The following MEGF11 variants were observed in gnomAD, a reference collection of about 807,000 sequenced individuals.
MEGF11 encodes the protein multiple epidermal growth factor-like domains protein 11.
In MEGF11, 126 loss-of-function variants were observed where a neutral mutation model predicts 146.6. The observed-to-expected ratio is 0.86, with a 90% confidence interval of 0.74 to 1.00. The LOEUF is 1.00. Among genes scored for constraint, MEGF11 ranks in the 50% least tolerant of loss-of-function variants. MEGF11 has a pLI of 0.00. For missense variants in MEGF11, 1,509 were observed against 1,521.2 expected (o/e 0.99, Z 0.13); for synonymous variants, 532 against 583.4 (o/e 0.91, Z 1.27).
intron 15 of MEGF11, 156 bp downstream of exon 15, chr15:65,922,182 T>C (rs535127898): frequency 1.3e-6 from 1 of 796,910 alleles, no homozygotes; most frequent in East Asian, 2.8e-5. Flanking sequence ...TCATGCCATG[T>C]GGGGCTCAAT....
intron 1 of MEGF11, among the ~76,000 whole-genome samples, chr15:66,242,450 A>G (rs1162655741): frequency 7.2e-6 from 1 of 138,622 alleles, no homozygotes; most frequent in African/African-American, 2.6e-5. Context: ...AGAAGAAGAA[A>G]GAAGGACAGA....
At chr15:66,007,774 G>T (rs564529286) in intron 5 of MEGF11, among the ~76,000 whole-genome samples, 1 of 151,696 alleles carries the variant, frequency 6.6e-6, no homozygotes, top group Admixed American at 6.6e-5. Flanking sequence ...GAAAAGAAAA[G>T]AAGGCACAGA....
intron 1 of MEGF11, among the ~76,000 whole-genome samples, chr15:66,169,073 G>A (rs557227681): frequency 9.9e-5 from 15 of 152,168 alleles, no homozygotes; most frequent in South Asian, 4.1e-4. Flanking sequence ...ACATGTGCTC[G>A]CATGTGGGGC....
In MEGF11 at chr15:66,116,065, C is replaced by G. The variant is rs1387630624; in HGVS notation, c.301+3021G>C. On this transcript the variant is annotated intron_variant, in intron 4 of 25. Coordinates refer to ENST00000395614, the MANE Select transcript of MEGF11 (RefSeq NM_001385028.1). ...TCCCGCTGCAGCCCAGGTCTGCCCT[C>G]TGGGGTCTGGCCAGCCTCCTCACCG... Among the ~76,000 whole-genome samples, 3 of 152,220 alleles carry G rather than the reference C, an allele frequency of 2.0e-5. No homozygotes were observed. In the East Asian group the frequency reaches 5.8e-4, roughly 29 times the overall value.
At position 66,123,971 on chromosome 15, in the gene MEGF11, G is replaced by T. The variant is rs766497251; in HGVS notation, c.128C>A (p.Ala43Glu). 3.1e-6 allele frequency: 5 copies of T among 1,613,818 alleles called. No homozygotes were observed. The highest frequency in any genetic ancestry group is 4.2e-6 in the Non-Finnish European group (5 of 1,179,830). ...GTAATAGATCTGATCGAAGGGGTGT[G>T]CATACGATTCCTGGACAGTCACAGC... ...SYAVTVQESY[A>E]HPFDQIYYTR... The change falls in exon 3 of 26, where the codon GCA becomes GAA. Residue 43 changes from alanine to glutamate, a missense_variant. Physicochemically the swap from Ala to Glu is moderately radical, Grantham distance 107. Coordinates refer to ENST00000395614, the MANE Select transcript of MEGF11 (RefSeq NM_001385028.1).
At chr15:66,014,018 G>C (rs2082797172) in intron 5 of MEGF11, among the ~76,000 whole-genome samples, 1 of 152,176 alleles carries the variant, frequency 6.6e-6, no homozygotes, top group Non-Finnish European at 1.5e-5. Context: ...TGGTGGTTCT[G>C]GGACTGTGAT....
intron 1 of MEGF11, among the ~76,000 whole-genome samples, chr15:66,212,213 G>T (rs10152285): frequency 1.3e-5 from 2 of 151,942 alleles, no homozygotes; most frequent in Non-Finnish European, 2.9e-5. Flanking sequence ...AACAAGGGAC[G>T]GGTGTCAGGG....
At chr15:66,045,868 C>T (rs577400851) in intron 5 of MEGF11, among the ~76,000 whole-genome samples, 67 of 152,150 alleles carry the variant, frequency 4.4e-4, no homozygotes, top group African/African-American at 1.5e-3. Context: ...TTTGGGAGGT[C>T]GAGGTGGGTG....
intron 5 of MEGF11, among the ~76,000 whole-genome samples, chr15:66,035,139 G>A (rs1173083785): frequency 6.6e-6 from 1 of 152,186 alleles, no homozygotes; most frequent in Admixed American, 6.5e-5. Flanking sequence ...GGGTTGTTGT[G>A]TAGTTTAAAT....
At chr15:66,118,373 C>T (rs1472798145) in intron 4 of MEGF11, among the ~76,000 whole-genome samples, 1 of 152,216 alleles carries the variant, frequency 6.6e-6, no homozygotes, top group Non-Finnish European at 1.5e-5. Flanking sequence ...GCCTCCACTG[C>T]ACCACACTGC....
At chr15:66,209,716 T>C (rs11637608) in intron 1 of MEGF11, among the ~76,000 whole-genome samples, 76,226 of 151,910 alleles carry the variant, frequency 0.5, 19,797 homozygotes, top group East Asian at 0.81. Flanking sequence ...GAGAATATAA[T>C]AGAAAAGGAA....
chr15:65,943,468 G>A (rs551733888), intron 10 of MEGF11, among the ~76,000 whole-genome samples: 2 of 152,246 alleles, frequency 1.3e-5, no homozygotes, highest in East Asian at 1.9e-4. Context: ...GCTTGTGTAT[G>A]TGTGCTAGCG....
Position 66,165,904 on chromosome 15 carries a change from C to T in MEGF11, c.-8-37493G>A, listed in dbSNP as rs183961370. On this transcript the variant is annotated intron_variant, in intron 1 of 25. Coordinates refer to ENST00000395614, the MANE Select transcript of MEGF11 (RefSeq NM_001385028.1). ...CTGCACCCAGGACAGACCGTGCCCACAGCAAAACTGCTCCAGGTGCCAGGT... is the reference window on the plus strand; with the variant it reads ...CTGCACCCAGGACAGACCGTGCCCATAGCAAAACTGCTCCAGGTGCCAGGT... Among the ~76,000 whole-genome samples, 1,269 of 152,300 alleles carry T rather than the reference C, an allele frequency of 8.3e-3. 4 individuals are homozygous for T. The highest frequency in any genetic ancestry group is 0.012 in the Non-Finnish European group (803 of 68,006).
intron 10 of MEGF11, among the ~76,000 whole-genome samples, chr15:65,931,802 T>C (rs898403120): frequency 1.3e-5 from 2 of 152,236 alleles, no homozygotes; most frequent in African/African-American, 4.8e-5. Context: ...TTGAGTCCTT[T>C]CTCAATATCA....
chr15:65,955,398 G>GTT (rs60673192), intron 10 of MEGF11, among the ~76,000 whole-genome samples: 74 of 142,088 alleles, frequency 5.2e-4, no homozygotes, highest in South Asian at 1.6e-3. Context: ...GATTGTAACT[G>GTT]TTTTTTTTTT....
chr15:66,221,281 A>C (rs2140163480), intron 1 of MEGF11, among the ~76,000 whole-genome samples: 1 of 152,150 alleles, frequency 6.6e-6, no homozygotes, highest in Non-Finnish European at 1.5e-5. Context: ...ACGGGCTCGC[A>C]GCCGCTCCAG....
intron 4 of MEGF11, among the ~76,000 whole-genome samples, chr15:66,111,138 T>G (rs928006502): frequency 5.3e-5 from 8 of 152,168 alleles, no homozygotes; most frequent in Admixed American, 2.0e-4. Context: ...TTCTGTCCTG[T>G]AAAAGGGCAG....
At chr15:66,029,157 T>G (rs1384613146) in intron 5 of MEGF11, among the ~76,000 whole-genome samples, 4 of 136,496 alleles carry the variant, frequency 2.9e-5, no homozygotes, top group African/African-American at 1.3e-4. Context: ...AATTGCCTTG[T>G]TTTTTTTTTT....
chr15:65,977,477 CTTTT>C (rs1180788795), intron 7 of MEGF11, among the ~76,000 whole-genome samples: 1 of 130,360 alleles, frequency 7.7e-6, no homozygotes, highest in East Asian at 2.2e-4. Context: ...CTCTCTCCCT[CTTTT>C]TTTTTTTTTT....
Sources: gnomAD v4.1 joint callset for allele counts (sites outside exome capture counted in the v4.1 genomes callset) on GRCh38, gnomAD v4.1.1 for gene constraint, MANE v1.5 for transcripts, NCBI Gene and HGNC (gene_info 2026-07-23, HGNC 2026-07-21) for gene names.